Variants in TMEM71 observed in about 807,000 individuals in gnomAD.
TMEM71 encodes the protein transmembrane protein 71.
Under a neutral mutation model 38.0 loss-of-function variants are expected in TMEM71, and 44 were observed. That is an observed-to-expected ratio of 1.16 (90% CI 0.91 to 1.49). The LOEUF is 1.49. TMEM71 is among the 40% of genes most tolerant of loss of function. The pLI is 0.00. For synonymous variants in TMEM71, 133 were observed against 122.5 expected, an observed-to-expected ratio of 1.09 and a Z score of -0.56; for missense variants, 367 against 348.6, an observed-to-expected ratio of 1.05 and a Z score of -0.42.
At chr8:132,733,059 G>A (rs1827548274) in intron 5 of TMEM71, among the ~76,000 whole-genome samples, 1 of 152,170 alleles carries the variant, frequency 6.6e-6, no homozygotes, top group African/African-American at 2.4e-5. Context: ...ACTTAATCTA[G>A]TCAAAACACT....
At chr8:132,769,749 C>T in the TMEM71 span, among the ~76,000 whole-genome samples, 2 of 152,292 alleles carry the variant, frequency 1.3e-5, no homozygotes, top group East Asian at 3.9e-4. Context: ...TCTTGGACTT[C>T]CCAGCCTCTA....
chr8:132,768,733 A>G, the TMEM71 span, among the ~76,000 whole-genome samples: 3 of 152,358 alleles, frequency 2.0e-5, no homozygotes, highest in African/African-American at 7.2e-5. Context: ...GCAAACCACG[A>G]GCTGTGCAAT....
At chr8:132,751,448 C>T (rs748457817) in intron 4 of TMEM71, among the ~76,000 whole-genome samples, 20 of 152,226 alleles carry the variant, frequency 1.3e-4, no homozygotes, top group Non-Finnish European at 2.8e-4. Flanking sequence ...TATCCCTTCA[C>T]TGCACCCTGA....
intron 5 of TMEM71, among the ~76,000 whole-genome samples, chr8:132,732,046 C>A (rs1229671914): frequency 6.6e-6 from 1 of 152,088 alleles, no homozygotes; most frequent in Non-Finnish European, 1.5e-5. Context: ...TCATTCAATG[C>A]AGTTATTGTA....
upstream of TMEM71, among the ~76,000 whole-genome samples, chr8:132,762,767 T>G (rs561490555): frequency 2.0e-5 from 3 of 152,334 alleles, no homozygotes; most frequent in Non-Finnish European, 2.9e-5. Flanking sequence ...CGAGTTTGCT[T>G]TCTTAACCTA....
chr8:132,727,807 C>A lies in TMEM71; in HGVS notation c.667G>T (p.Asp223Tyr), dbSNP rs34962342. The A allele has an allele frequency of 5.7e-4, 921 of 1,607,934 alleles. 3 individuals are homozygous for A. The African/African-American group carries it at 0.01, about 18-fold the overall frequency. Reference sequence around the variant, plus strand: ...AAACACCTGAACTCACCTGAATGATCCGAACTATTCTCTTGGAAACGTTCA... The same window carrying A: ...AAACACCTGAACTCACCTGAATGATACGAACTATTCTCTTGGAAACGTTCA... ...ASERFQENSS[D>Y]HSETRLLQEV... The change falls in exon 6 of 10, where the codon GAT becomes TAT. Residue 223 changes from aspartate (D) to tyrosine (Y), a missense_variant. Transcript: ENST00000677595.
In TMEM71 at chr8:132,727,907, A is replaced by G. The variant is rs1432172377; in HGVS notation, c.567T>C (p.Ser189=). 6.2e-7 allele frequency: 1 copy of G among 1,614,004 alleles called. No homozygotes were observed. Among genetic ancestry groups the G allele is most frequent in the East Asian group, 2.2e-5 (1 of 44,882 alleles). Residue 189 remains serine (S), a synonymous_variant, in exon 6 of 10, where the codon TCT becomes TCC. Coordinates refer to ENST00000677595, the MANE Select transcript of TMEM71 (RefSeq NM_001382403.1). The part of the protein sequence containing the change: ...KMNAESVITS[S]SSHIISQPPG... ...GAGGCTGAGATATGATGTGGCTGGA[A>G]GAGGAGGTGATCACAGACTCTGCAT...
chr8:132,709,612 T>C (rs1197443038), downstream of TMEM71, among the ~76,000 whole-genome samples: 1 of 151,846 alleles, frequency 6.6e-6, no homozygotes, highest in Non-Finnish European at 1.5e-5. Context: ...GATGTAATGA[T>C]GGAAGTAAGA....
chr8:132,711,068 G>A lies in TMEM71; in HGVS notation c.873-86C>T, dbSNP rs139614933. 5,499 of 1,251,224 alleles carry A rather than the reference G, an allele frequency of 4.4e-3. 30 individuals are homozygous for A. Among genetic ancestry groups the A allele is most frequent in the Admixed American group, 5.3e-3 (257 of 48,614 alleles). 77.5% of individuals were successfully genotyped at this position (1,251,224 alleles called of 1,614,324 possible). On this transcript the variant is annotated intron_variant, in intron 9 of 9. Transcript: ENST00000677595. The stretch of plus-strand genomic sequence containing the variant: ...ATCTAATCACTGCATACCCATTTGC[G>A]CATATATAAGCACACACCCACACCC...
In TMEM71 at chr8:132,710,983, C is replaced by G. The variant is rs1364333587; in HGVS notation, c.873-1G>C. ...AAATGGTTGTCAAATTTTGACAAAC[C>G]TAGATTGGAGAAATAAGAAAAGAAA... is the stretch of plus-strand genomic sequence containing the variant. On this transcript the variant is annotated splice_acceptor_variant, in intron 9 of 9. Transcript: ENST00000677595. LOFTEE classifies it high-confidence loss of function. The G allele has an allele frequency of 3.1e-6, 5 of 1,604,840 alleles. No homozygotes were observed. The highest frequency in any genetic ancestry group is 2.5e-6 in the Non-Finnish European group (3 of 1,177,396).
chr8:132,766,545 A>G, the TMEM71 span, among the ~76,000 whole-genome samples: 2 of 152,290 alleles, frequency 1.3e-5, no homozygotes, highest in South Asian at 4.1e-4. Flanking sequence ...TATGCCTACA[A>G]TCCCAGCATC....
intron 3 of TMEM71, among the ~76,000 whole-genome samples, chr8:132,754,547 C>T (rs939315032): frequency 3.3e-5 from 5 of 152,102 alleles, no homozygotes; most frequent in Non-Finnish European, 7.3e-5. Flanking sequence ...TGAATCTGTG[C>T]AGTAAAGATC....
At chr8:132,738,724 C>G (rs1423608613) in intron 5 of TMEM71, among the ~76,000 whole-genome samples, 13 of 152,206 alleles carry the variant, frequency 8.5e-5, no homozygotes, top group Non-Finnish European at 1.5e-5. Flanking sequence ...CCCCTCTCCT[C>G]TTCCTGCTTT....
chr8:132,718,344 A>G (rs746300814), intron 7 of TMEM71, among the ~76,000 whole-genome samples: 1 of 151,680 alleles, frequency 6.6e-6, no homozygotes, highest in Non-Finnish European at 1.5e-5. Context: ...CAAAGGAGAT[A>G]TGTAACTTTA....
At chr8:132,708,875 C>G (rs1273244356), downstream of TMEM71, among the ~76,000 whole-genome samples, 1 of 152,098 alleles carries the variant, frequency 6.6e-6, no homozygotes, top group Non-Finnish European at 1.5e-5. Flanking sequence ...AGGAGGGGGC[C>G]AGGGGCCAGG....
At chr8:132,766,760 G>T in the TMEM71 span, among the ~76,000 whole-genome samples, 82 of 148,934 alleles carry the variant, frequency 5.5e-4, 1 homozygote, top group African/African-American at 2.0e-3. Context: ...ACCCTAACCC[G>T]GGCAACAGAG....
chr8:132,739,939 C>A (rs768407104), intron 5 of TMEM71, among the ~76,000 whole-genome samples: 1 of 152,192 alleles, frequency 6.6e-6, no homozygotes, highest in Admixed American at 6.5e-5. Flanking sequence ...CATTATCTCC[C>A]ACCTGAATCA....
At chr8:132,707,116 G>C (rs545920178), downstream of TMEM71, among the ~76,000 whole-genome samples, 1 of 152,118 alleles carries the variant, frequency 6.6e-6, no homozygotes, top group Non-Finnish European at 1.5e-5. Context: ...AATTTCAAAG[G>C]TCAGGGAGGA....
At chr8:132,714,294 G>T in intron 7 of TMEM71, 79 bp from the exon 8 acceptor site, 1 of 1,077,826 alleles carries the variant, frequency 9.3e-7, no homozygotes, top group Non-Finnish European at 1.4e-6. Context: ...ACTTACTATA[G>T]AATTATGATT....
Sources: gnomAD v4.1 joint callset for allele counts (sites outside exome capture counted in the v4.1 genomes callset) on GRCh38, gnomAD v4.1.1 for gene constraint, MANE v1.5 for transcripts, NCBI Gene and HGNC (gene_info 2026-07-23, HGNC 2026-07-21) for gene names.